Variants in SLC2A7 observed in about 807,000 individuals in gnomAD.
SLC2A7 encodes the protein solute carrier family 2 member 7.
Under a neutral mutation model 50.5 loss-of-function variants are expected in SLC2A7, and 50 were observed. The observed-to-expected ratio is 0.99, with a 90% CI of 0.79 to 1.25. The LOEUF (loss-of-function observed/expected upper bound fraction) is 1.25, where lower values mean the gene tolerates loss of function less well. Among genes scored for constraint, SLC2A7 ranks in the 50% most tolerant of loss-of-function variants. The pLI, the probability that SLC2A7 is intolerant of heterozygous loss-of-function variation, is 0.00. For synonymous variants in SLC2A7, 308 were observed against 300.4 expected (o/e 1.03, Z -0.26); for missense variants, 683 against 679.1 (o/e 1.01, Z -0.06).
Position 9,024,984 on chromosome 1 carries a change from G to T in SLC2A7, c.142C>A (p.Pro48Thr). Residue 48 changes from proline (P) to threonine (T), a missense_variant, in exon 2 of 12, where the codon CCG becomes ACG. Transcript: ENST00000400906. The stretch of plus-strand genomic sequence containing the variant: ...GCCCACCTTGTGCCCACCTTGTGCG[G>T]CGTGTTGACCACAGAGAGGTTGTAG... ...YGYNLSVVNT[P>T]HKVFKSFYNE... 1 of 1,526,310 alleles carries T rather than the reference G, an allele frequency of 6.6e-7. No homozygotes were observed. Among genetic ancestry groups the T allele is most frequent in the Non-Finnish European group, 8.9e-7 (1 of 1,128,664 alleles). The allele number at this position is 1,526,310 out of a possible 1,614,324, so 94.5% of individuals were successfully genotyped here.
intron 2 of SLC2A7, among the ~76,000 whole-genome samples, chr1:9,024,044 T>C (rs1640958339): frequency 1.3e-5 from 2 of 151,748 alleles, no homozygotes; most frequent in African/African-American, 4.8e-5. Context: ...TTAGTAGAGA[T>C]GAGGTTTCAC....
Position 9,008,176 on chromosome 1 carries a change from C to T in SLC2A7, c.1117-791G>A, listed in dbSNP as rs894170229. Among the ~76,000 whole-genome samples the T allele has an allele frequency of 2.6e-5, 4 of 152,164 alleles. No individual in the cohort carries two copies. The highest frequency in any genetic ancestry group is 2.1e-4 in the South Asian group (1 of 4,814). ...GACTTCAGCCAAACTAACCGGGTGC[C>T]CCCAGATGAACTTCCCAGGGAACCC... On this transcript the variant is annotated intron_variant, in intron 9 of 11. Coordinates refer to ENST00000400906, the MANE Select transcript of SLC2A7 (RefSeq NM_207420.3). The surrounding 1 kb of genome is among the most constrained non-coding windows in gnomAD (Gnocchi z 5.9).
chr1:8,993,446 A>AT, the SLC2A7 span, among the ~76,000 whole-genome samples: 2 of 152,236 alleles, frequency 1.3e-5, no homozygotes, highest in Non-Finnish European at 2.9e-5. Context: ...TAAAAAGGGC[A>AT]TAAAAACAAA....
Position 9,003,290 on chromosome 1 carries a change from T to C in SLC2A7, c.*10A>G, listed in dbSNP as rs377122526. The C allele has an allele frequency of 1.9e-6, 3 of 1,613,826 alleles. No individual in the cohort carries two copies. Among genetic ancestry groups the C allele is most frequent in the African/African-American group, 2.7e-5 (2 of 74,910 alleles). Reference sequence around the variant, plus strand: ...CTTGAATATGGGCTCCCGTCCTTCATGCAGGGCCACTAAAAGGAAGTTTCC... The same window carrying C: ...CTTGAATATGGGCTCCCGTCCTTCACGCAGGGCCACTAAAAGGAAGTTTCC... On this transcript the variant is annotated 3_prime_UTR_variant, in exon 12 of 12. Coordinates refer to ENST00000400906, the MANE Select transcript of SLC2A7 (RefSeq NM_207420.3).
chr1:9,000,750 G>T (rs1640562733), downstream of SLC2A7, among the ~76,000 whole-genome samples: 1 of 94,282 alleles, frequency 1.1e-5, no homozygotes, highest in East Asian at 2.7e-4. Flanking sequence ...TTCCTGGTGT[G>T]TGTGTGTGTG....
Position 9,025,064 on chromosome 1 carries a change from G to A in SLC2A7, c.62C>T (p.Pro21Leu), listed in dbSNP as rs1041122202. 4.3e-6 allele frequency: 7 copies of A among 1,613,018 alleles called. No individual in the cohort carries two copies. Among genetic ancestry groups the A allele is most frequent in the Non-Finnish European group, 5.9e-6 (7 of 1,179,882 alleles). The change falls in exon 2 of 12, where the codon CCG (proline) becomes CTG (leucine). Residue 21 changes from proline to leucine, a missense_variant. Pro to Leu is a moderately conservative substitution (Grantham distance 98). Coordinates refer to ENST00000400906, the MANE Select transcript of SLC2A7 (RefSeq NM_207420.3). ...PIPSREGRLQPTLLLATLSAA... is the reference protein window; with the variant it reads ...PIPSREGRLQLTLLLATLSAA... Reference sequence around the variant, plus strand: ...GCTCAGTGTCGCCAGCAACAGCGTCGGCTGGAGCCGCTGTAGGAGACAAGT... The same window carrying A: ...GCTCAGTGTCGCCAGCAACAGCGTCAGCTGGAGCCGCTGTAGGAGACAAGT...
intron 3 of SLC2A7, among the ~76,000 whole-genome samples, chr1:9,021,634 C>T (rs1032092320): frequency 1.1e-4 from 16 of 152,198 alleles, no homozygotes; most frequent in Non-Finnish European, 1.8e-4. Flanking sequence ...CTTTTCTCTC[C>T]CTGGGGCTGC....
In SLC2A7 at chr1:9,003,472, A is replaced by G. The variant is rs2124232554; in HGVS notation, c.1367T>C (p.Leu456Pro). ...YSFIIFAGICLLTAIYIYVVI... is the reference protein window; with the variant it reads ...YSFIIFAGICPLTAIYIYVVI... ...CACGTAGATGTAAATCGCAGTGAGG[A>G]GGCAGATTCCGGCAAAGATGATGAA... is the stretch of plus-strand genomic sequence containing the variant. The change falls in exon 12 of 12, where the codon CTC becomes CCC. Residue 456 changes from leucine to proline, a missense_variant. Transcript: ENST00000400906. 1 of 1,614,228 alleles carries G rather than the reference A, an allele frequency of 6.2e-7. No individual in the cohort carries two copies. The highest frequency in any genetic ancestry group is 8.5e-7 in the Non-Finnish European group (1 of 1,180,038).
At position 9,022,938 on chromosome 1, in the gene SLC2A7, C is replaced by A. The variant is rs758779380; in HGVS notation, c.291G>T (p.Leu97=). ...TTTACCTGCCGCAGCTATCAACCAG[C>A]AGGCCCACGAGCAATGACCCCAACA... is the stretch of plus-strand genomic sequence containing the variant. ...GGLLGSLLVG[L]LVDSCGRKGT... is the part of the protein sequence containing the mutation. The change falls in exon 3 of 12, where the codon CTG becomes CTT. Residue 97 remains leucine (L), a synonymous_variant. Coordinates refer to ENST00000400906, the MANE Select transcript of SLC2A7 (RefSeq NM_207420.3). 9 of 1,614,000 alleles carry A rather than the reference C, an allele frequency of 5.6e-6. No homozygotes were observed. The highest frequency in any genetic ancestry group is 2.7e-5 in the African/African-American group (2 of 75,058).
intron 5 of SLC2A7, among the ~76,000 whole-genome samples, chr1:9,016,197 A>G (rs1420389483): frequency 1.3e-5 from 2 of 152,186 alleles, no homozygotes; most frequent in Admixed American, 6.5e-5. Context: ...TCTTTCATGG[A>G]GCACCCTCCA....
intron 3 of SLC2A7, among the ~76,000 whole-genome samples, chr1:9,019,879 G>A (rs1039249079): frequency 9.2e-5 from 14 of 152,014 alleles, no homozygotes; most frequent in Non-Finnish European, 1.5e-4. Context: ...AGCCGAGATC[G>A]TGCCACTGCA....
intron 3 of SLC2A7, among the ~76,000 whole-genome samples, chr1:9,022,699 C>G (rs1331396165): frequency 1.3e-5 from 2 of 152,000 alleles, no homozygotes; most frequent in Non-Finnish European, 2.9e-5. Flanking sequence ...TGGCAGGTGA[C>G]GGAAGGGAAT....
chr1:8,999,002 G>C (rs1640542273), downstream of SLC2A7, among the ~76,000 whole-genome samples: 1 of 152,134 alleles, frequency 6.6e-6, no homozygotes, highest in Non-Finnish European at 1.5e-5. Flanking sequence ...GGTAGAATTT[G>C]TGTTAAATGA....
At chr1:9,009,396 T>G (rs1321850732) in intron 9 of SLC2A7, among the ~76,000 whole-genome samples, 3 of 152,252 alleles carry the variant, frequency 2.0e-5, no homozygotes, top group African/African-American at 7.2e-5. Flanking sequence ...ATTAAAATGA[T>G]GTACTTCTTG....
chr1:8,994,805 C>T, the SLC2A7 span, among the ~76,000 whole-genome samples: 2 of 151,732 alleles, frequency 1.3e-5, no homozygotes, highest in African/African-American at 4.8e-5. Flanking sequence ...GAGTCTTGCT[C>T]CATCGCCCAG....
chr1:9,013,733 T>C (rs1640784628), intron 7 of SLC2A7, 98 bp from the exon 8 acceptor site: 4 of 1,037,112 alleles, frequency 3.9e-6, no homozygotes, highest in Admixed American at 4.6e-5. Flanking sequence ...CAAGCCTGGG[T>C]TGGGGACCCT....
chr1:9,019,418 C>T (rs1640880957), intron 3 of SLC2A7, 85 bp from the exon 4 acceptor site: 1 of 1,565,802 alleles, frequency 6.4e-7, no homozygotes, highest in Non-Finnish European at 8.7e-7. Flanking sequence ...TGCGGGCAGT[C>T]ACTACAGAGG....
intron 8 of SLC2A7, among the ~76,000 whole-genome samples, chr1:9,010,742 C>T (rs1442474966): frequency 6.6e-6 from 1 of 152,348 alleles, no homozygotes; most frequent in East Asian, 1.9e-4. Flanking sequence ...TCATGCTCTT[C>T]ACCACCACCC....
At chr1:9,015,376 C>G in intron 5 of SLC2A7, 134 bp from the exon 6 acceptor site, 2 of 1,168,006 alleles carry the variant, frequency 1.7e-6, no homozygotes, top group Non-Finnish European at 2.3e-6. Context: ...GGTACTCCTA[C>G]AAATGGTTTC....
Sources: allele counts gnomAD v4.1 joint callset (sites outside exome capture counted in the v4.1 genomes callset), GRCh38; gene constraint gnomAD v4.1.1; non-coding constraint Gnocchi (gnomAD v3.1); transcripts MANE v1.5; gene names NCBI Gene and HGNC (gene_info 2026-07-23, HGNC 2026-07-21).